The following TBK1 variants were observed in gnomAD, a reference collection of about 807,000 sequenced individuals.
TBK1 encodes TANK binding kinase 1, also known as serine/threonine-protein kinase TBK1.
Under a neutral mutation model 99.9 loss-of-function variants are expected in TBK1, and 37 were observed. The ratio of observed to expected loss-of-function variants is 0.37; its 90% CI spans 0.28 to 0.49. The LOEUF (loss-of-function observed/expected upper bound fraction) is 0.49, where lower values mean the gene tolerates loss of function less well. Ranked by LOEUF, TBK1 falls within the 20% of genes least tolerant of loss-of-function variation. TBK1 has a pLI of 0.98. For missense variants in TBK1, 644 were observed against 872.5 expected, an observed-to-expected ratio of 0.74 and a Z score of 3.30; for synonymous variants, 258 against 279.8, an observed-to-expected ratio of 0.92 and a Z score of 0.78.
intron 3 of TBK1, among the ~76,000 whole-genome samples, chr12:64,463,962 C>G (rs1396378084): frequency 1.3e-5 from 2 of 151,378 alleles, no homozygotes; most frequent in African/African-American, 4.9e-5. Flanking sequence ...CTCCCAGGTT[C>G]AAGTGATTCT....
intron 5 of TBK1, among the ~76,000 whole-genome samples, chr12:64,469,058 A>G (rs1389256306): frequency 2.0e-5 from 3 of 151,970 alleles, no homozygotes; most frequent in Non-Finnish European, 2.9e-5. Context: ...CAGGATGCCT[A>G]TGGGGTCCTC....
intron 20 of TBK1, among the ~76,000 whole-genome samples, 183 bp from the exon 21 acceptor site, chr12:64,501,147 G>GT (rs773423523): frequency 1.1e-4 from 16 of 152,018 alleles, no homozygotes; most frequent in Non-Finnish European, 2.2e-4. Context: ...CATTACATCG[G>GT]TTTTTCATGT....
intron 12 of TBK1, 49 bp downstream of exon 12, chr12:64,488,637 C>A: frequency 8.0e-7 from 1 of 1,249,202 alleles, no homozygotes; most frequent in Non-Finnish European, 1.1e-6. Flanking sequence ...TTAAATGTTC[C>A]ATTTCTATTT....
chr12:64,465,261 A>G (rs2040591221), intron 4 of TBK1, among the ~76,000 whole-genome samples: 1 of 151,194 alleles, frequency 6.6e-6, no homozygotes, highest in Non-Finnish European at 1.5e-5. Flanking sequence ...AAAAAAAAAA[A>G]AAACAAGTGT....
chr12:64,478,291 C>T (rs2040735349), intron 6 of TBK1, among the ~76,000 whole-genome samples: 1 of 152,214 alleles, frequency 6.6e-6, no homozygotes, highest in Non-Finnish European at 1.5e-5. Context: ...GCTGGGATTA[C>T]AGGCACCCAC....
chr12:64,492,876 C>A (rs2040884166), intron 13 of TBK1, among the ~76,000 whole-genome samples: 1 of 151,150 alleles, frequency 6.6e-6, no homozygotes, highest in African/African-American at 2.4e-5. Flanking sequence ...CGCCCGCCAC[C>A]ACGTCCAGCT....
intron 13 of TBK1, among the ~76,000 whole-genome samples, chr12:64,490,789 G>A (rs950523004): frequency 6.6e-6 from 1 of 151,962 alleles, no homozygotes; most frequent in African/African-American, 2.4e-5. Context: ...GCGTGTGGTG[G>A]TGGGCACCTG....
intron 6 of TBK1, among the ~76,000 whole-genome samples, chr12:64,476,150 C>CTTTTTTTTTTTT (rs59104364): frequency 1.9e-5 from 1 of 51,862 alleles, no homozygotes; most frequent in African/African-American, 7.5e-5. Flanking sequence ...GCGTAGTCTT[C>CTTTTTTTTTTTT]TTTTTTTTTT....
At chr12:64,471,129 T>C (rs1172914380) in intron 5 of TBK1, among the ~76,000 whole-genome samples, 1 of 152,142 alleles carries the variant, frequency 6.6e-6, no homozygotes, top group East Asian at 1.9e-4. Flanking sequence ...CTCTTTTGTA[T>C]GTTAAAGTCC....
At chr12:64,455,812 A>G in intron 1 of TBK1, 28 bp from the exon 2 acceptor site, 3 of 1,328,712 alleles carry the variant, frequency 2.3e-6, no homozygotes, top group South Asian at 1.3e-5. Flanking sequence ...CCCTTAAAAC[A>G]TAGTTGCAAA....
At chr12:64,494,591 T>G (rs561709516) in intron 13 of TBK1, among the ~76,000 whole-genome samples, 14 of 152,266 alleles carry the variant, frequency 9.2e-5, no homozygotes, top group African/African-American at 3.4e-4. Context: ...TACAAATTGA[T>G]AAGGAAAATA....
chr12:64,464,552 C>G (rs2040582949), intron 4 of TBK1, 89 bp downstream of exon 4: 5 of 1,032,424 alleles, frequency 4.8e-6, no homozygotes, highest in Non-Finnish European at 5.3e-6. Context: ...AACTGAAGAC[C>G]TTTATGCAAT....
chr12:64,496,002 C>G (rs773776024), intron 15 of TBK1: 22 of 429,856 alleles, frequency 5.1e-5, no homozygotes, highest in Admixed American at 2.6e-4. Flanking sequence ...ACCAGAACCT[C>G]TAAAGGCCAG....
chr12:64,478,123 C>G (rs1301566817), intron 6 of TBK1, among the ~76,000 whole-genome samples: 1 of 152,000 alleles, frequency 6.6e-6, no homozygotes, highest in African/African-American at 2.4e-5. Context: ...ATTTCTCAGA[C>G]CTTTATATAT....
intron 5 of TBK1, among the ~76,000 whole-genome samples, chr12:64,468,178 A>T (rs1013813639): frequency 6.6e-6 from 1 of 150,492 alleles, no homozygotes; most frequent in Non-Finnish European, 1.5e-5. Flanking sequence ...ATAAAGCAAG[A>T]CTCTGTCTCT....
intron 3 of TBK1, among the ~76,000 whole-genome samples, chr12:64,462,002 C>T (rs1455645361): frequency 1.3e-5 from 2 of 152,198 alleles, no homozygotes; most frequent in African/African-American, 2.4e-5. Context: ...GTCAGGGAAG[C>T]TCACCCAAGC....
chr12:64,496,310 T>C (rs1448590138), intron 15 of TBK1, 57 bp from the exon 16 acceptor site: 8 of 835,604 alleles, frequency 9.6e-6, no homozygotes, highest in Non-Finnish European at 1.4e-5. Flanking sequence ...AGAAAATACA[T>C]TGTGTATAAT....
intron 13 of TBK1, 65 bp from the exon 14 acceptor site, chr12:64,495,418 G>A: frequency 6.4e-7 from 1 of 1,565,006 alleles, no homozygotes. Flanking sequence ...TTTAGACTTT[G>A]TTGGGACTGT....
At position 64,458,523 on chromosome 12, in the gene TBK1, A is replaced by G. The variant is rs147675791; in HGVS notation, c.88-1666A>G. On this transcript the variant is annotated intron_variant, in intron 2 of 20. Transcript: ENST00000331710. ...CATATGGATATATACATATATATAT[A>G]TATATATATGGATCTCTATTATTTG... Among the ~76,000 whole-genome samples, 5 of 150,376 alleles carry G rather than the reference A, an allele frequency of 3.3e-5. No homozygotes were observed. The East Asian group carries it at 9.8e-4, about 29-fold the overall frequency.
Sources: gnomAD v4.1 joint callset for allele counts (sites outside exome capture counted in the v4.1 genomes callset) on GRCh38, gnomAD v4.1.1 for gene constraint, MANE v1.5 for transcripts, NCBI Gene and HGNC (gene_info 2026-07-23, HGNC 2026-07-21) for gene names.